Variants in PPP1R16B observed in about 807,000 individuals in gnomAD.
PPP1R16B encodes protein phosphatase 1 regulatory subunit 16B.
A neutral mutation model predicts 61.7 loss-of-function variants in PPP1R16B; 14 were observed. That is an observed-to-expected ratio of 0.23 (90% CI 0.15 to 0.35). The LOEUF (loss-of-function observed/expected upper bound fraction) is 0.35. PPP1R16B is among the 10% of genes least tolerant of loss of function. The pLI, the probability that PPP1R16B is intolerant of heterozygous loss-of-function variation, is 1.00. For synonymous variants in PPP1R16B, 266 were observed against 305.3 expected, an observed-to-expected ratio of 0.87 and a Z score of 1.34; for missense variants, 547 against 752.5, an observed-to-expected ratio of 0.73 and a Z score of 3.19.
At position 38,895,797 on chromosome 20, in the gene PPP1R16B, C is replaced by T. The variant is rs1027203759; in HGVS notation, c.467+87C>T. 2.9e-5 allele frequency: 38 copies of T among 1,305,504 alleles called. No individual in the cohort carries two copies. In the African/African-American group the frequency reaches 4.8e-4, roughly 16 times the overall value. 80.9% of individuals were successfully genotyped at this position (1,305,504 alleles called of 1,614,324 possible). ...TTCTTTCTCTCCTCCCTCCCTCCTT[C>T]CTTCTTTCTCTCCTCCCTTCCTCCT... On this transcript the variant is annotated intron_variant, in intron 4 of 10. Coordinates refer to ENST00000299824, the MANE Select transcript of PPP1R16B (RefSeq NM_015568.4).
chr20:38,892,245 C>T (rs537402444), intron 3 of PPP1R16B, among the ~76,000 whole-genome samples: 2 of 152,176 alleles, frequency 1.3e-5, no homozygotes, highest in African/African-American at 4.8e-5. Flanking sequence ...TTGGGGTTCC[C>T]GCCACCTCAC....
intron 2 of PPP1R16B, among the ~76,000 whole-genome samples, chr20:38,849,689 A>AC (rs1568661518): frequency 1.3e-5 from 2 of 151,930 alleles, no homozygotes; most frequent in African/African-American, 4.8e-5. Flanking sequence ...CAACAACAAA[A>AC]AAAAAACAAA....
At chr20:38,814,222 C>T (rs988032153) in intron 1 of PPP1R16B, among the ~76,000 whole-genome samples, 1 of 152,204 alleles carries the variant, frequency 6.6e-6, no homozygotes, top group African/African-American at 2.4e-5. Context: ...GGACATCCGG[C>T]TTCAAAGTCC....
intron 2 of PPP1R16B, among the ~76,000 whole-genome samples, chr20:38,857,373 G>T (rs1212309176): frequency 6.6e-6 from 1 of 152,112 alleles, no homozygotes; most frequent in African/African-American, 2.4e-5. Context: ...AAAAAATTAT[G>T]TTTGGATCCT....
At chr20:38,905,833 C>T (rs2085436276) in intron 6 of PPP1R16B, 136 bp from the exon 7 acceptor site, 1 of 858,898 alleles carries the variant, frequency 1.2e-6, no homozygotes, top group African/African-American at 1.7e-5. Context: ...TGCAATGTGA[C>T]TGGTATTTCC....
At chr20:38,889,898 T>C (rs1455826990) in intron 3 of PPP1R16B, among the ~76,000 whole-genome samples, 2 of 152,216 alleles carry the variant, frequency 1.3e-5, no homozygotes, top group Non-Finnish European at 2.9e-5. Context: ...ACATGCAGGC[T>C]CTAAGGACAG....
intron 2 of PPP1R16B, among the ~76,000 whole-genome samples, chr20:38,875,670 C>T (rs769198823): frequency 7.2e-5 from 11 of 152,182 alleles, no homozygotes; most frequent in Non-Finnish European, 1.5e-4. Context: ...GCAGCCTCCA[C>T]CATGCAGGTT....
chr20:38,906,882 T>C, intron 7 of PPP1R16B, 97 bp from the exon 8 acceptor site: 1 of 985,990 alleles, frequency 1.0e-6, no homozygotes, highest in South Asian at 1.4e-5. Flanking sequence ...CCACCATTCT[T>C]TGGGTCACAT....
intron 6 of PPP1R16B, among the ~76,000 whole-genome samples, chr20:38,903,017 G>C (rs565212390): frequency 6.6e-6 from 1 of 152,270 alleles, no homozygotes; most frequent in Non-Finnish European, 1.5e-5. Flanking sequence ...GCTCACACCT[G>C]TAGTCCCAGC....
intron 9 of PPP1R16B, 24 bp from the exon 10 acceptor site, chr20:38,908,004 C>G (rs762964397): frequency 2.1e-5 from 34 of 1,614,086 alleles, no homozygotes; most frequent in Non-Finnish European, 2.6e-5. Flanking sequence ...GGTGCAGCCT[C>G]TAGGACCCAC....
rs867094991 is a variant in PPP1R16B, at chr20:38,900,627, G to A, written c.514G>A (p.Asp172Asn). The A allele has an allele frequency of 6.3e-7, 1 of 1,597,012 alleles. No individual in the cohort carries two copies. The highest frequency in any genetic ancestry group is 8.5e-7 in the Non-Finnish European group (1 of 1,173,140). The change falls in exon 5 of 11, where the codon GAC becomes AAC. Residue 172 changes from aspartate (D) to asparagine (N), a missense_variant. Transcript: ENST00000299824. ...AVNSDGNMPY[D>N]LCEDEPTLDV... is the part of the protein sequence containing the mutation. The stretch of plus-strand genomic sequence containing the variant: ...CAACTCGGATGGGAACATGCCATAT[G>A]ACCTCTGCGAGGATGAACCCACCCT...
intron 1 of PPP1R16B, among the ~76,000 whole-genome samples, chr20:38,826,328 C>T (rs891833608): frequency 2.0e-5 from 3 of 152,190 alleles, no homozygotes; most frequent in Non-Finnish European, 4.4e-5. Flanking sequence ...GGTTTAGCAC[C>T]GTGACTGTGA....
At chr20:38,910,743 A>G (rs2085482311) in intron 10 of PPP1R16B, among the ~76,000 whole-genome samples, 2 of 152,058 alleles carry the variant, frequency 1.3e-5, no homozygotes, top group Admixed American at 6.6e-5. Context: ...CATGCCTGTA[A>G]TCCCAGCACT....
chr20:38,849,947 T>G (rs2084958066), intron 2 of PPP1R16B, among the ~76,000 whole-genome samples: 1 of 152,172 alleles, frequency 6.6e-6, no homozygotes, highest in Admixed American at 6.5e-5. Flanking sequence ...AATGATACGT[T>G]AGGACTTTTG....
chr20:38,904,632 C>A (rs1199463050), intron 6 of PPP1R16B, among the ~76,000 whole-genome samples: 2 of 151,994 alleles, frequency 1.3e-5, no homozygotes. Flanking sequence ...CTAATTTTCA[C>A]ATCATACCCT....
chr20:38,885,555 A>G lies in PPP1R16B; in HGVS notation c.251-4040A>G, dbSNP rs1325955958. Among the ~76,000 whole-genome samples the G allele has an allele frequency of 3.3e-5, 5 of 152,278 alleles. No homozygotes were observed. In the East Asian group the frequency reaches 7.7e-4, roughly 24 times the overall value. ...ATTCCTGGCCTTAGGGCAGAGTAGA[A>G]TGGTCCACTGGCCACCAGCCTGGGC... On this transcript the variant is annotated intron_variant, in intron 2 of 10. Coordinates refer to ENST00000299824, the MANE Select transcript of PPP1R16B (RefSeq NM_015568.4).
At chr20:38,876,850 C>G (rs1385328539) in intron 2 of PPP1R16B, among the ~76,000 whole-genome samples, 1 of 152,142 alleles carries the variant, frequency 6.6e-6, no homozygotes, top group Non-Finnish European at 1.5e-5. Flanking sequence ...AAAGGTAGTA[C>G]ATATGGATTT....
At chr20:38,855,976 AGAG>A (rs1378079134) in intron 2 of PPP1R16B, among the ~76,000 whole-genome samples, 4 of 25,726 alleles carry the variant, frequency 1.6e-4, no homozygotes, top group East Asian at 1.2e-3. Flanking sequence ...AGAGAGAGAG[AGAG>A]AGAAGGAGGA....
intron 10 of PPP1R16B, among the ~76,000 whole-genome samples, chr20:38,916,034 G>A (rs1021309738): frequency 1.3e-5 from 2 of 149,800 alleles, no homozygotes; most frequent in African/African-American, 4.9e-5. Flanking sequence ...CCATGACATG[G>A]CATCAGTCTG....
Sources: allele counts gnomAD v4.1 joint callset (sites outside exome capture counted in the v4.1 genomes callset), GRCh38; gene constraint gnomAD v4.1.1; transcripts MANE v1.5; gene names NCBI Gene and HGNC (gene_info 2026-07-23, HGNC 2026-07-21).